Variants in ADD3 observed in about 807,000 individuals in gnomAD.
ADD3 encodes gamma-adducin.
ADD3 carries 25 observed loss-of-function variants against 80.2 expected under a neutral mutation model. That is an observed-to-expected ratio of 0.31 (90% CI 0.23 to 0.44). The LOEUF (loss-of-function observed/expected upper bound fraction) is 0.44, where lower values mean the gene tolerates loss of function less well. Among genes scored for constraint, ADD3 ranks in the 20% least tolerant of loss-of-function variants. ADD3 has a pLI of 1.00. For missense variants in ADD3, 829 were observed against 847.5 expected, an observed-to-expected ratio of 0.98 and a Z score of 0.27; for synonymous variants, 284 against 289.6, an observed-to-expected ratio of 0.98 and a Z score of 0.20.
At chr10:110,083,593 A>T (rs1846340883) in intron 1 of ADD3, among the ~76,000 whole-genome samples, 1 of 152,086 alleles carries the variant, frequency 6.6e-6, no homozygotes. Context: ...AGGAAGAGTC[A>T]TTTCCCTCTA....
At chr10:110,010,072 A>T (rs1852155931) in intron 1 of ADD3, among the ~76,000 whole-genome samples, 1 of 152,170 alleles carries the variant, frequency 6.6e-6, no homozygotes, top group African/African-American at 2.4e-5. Flanking sequence ...GCTGGCATGA[A>T]TGTGAATTCT....
chr10:110,038,587 G>A (rs893163728), intron 1 of ADD3, among the ~76,000 whole-genome samples: 3 of 152,032 alleles, frequency 2.0e-5, no homozygotes, highest in Middle Eastern at 3.2e-3. Context: ...ACTATAAAAG[G>A]ACTCTTTTAG....
intron 1 of ADD3, among the ~76,000 whole-genome samples, chr10:110,047,628 C>G (rs1316311515): frequency 6.6e-6 from 1 of 151,990 alleles, no homozygotes; most frequent in Non-Finnish European, 1.5e-5. Context: ...TATTTAGGAA[C>G]TAATAGAGAA....
At chr10:110,002,040 C>T (rs1851496008), upstream of ADD3, among the ~76,000 whole-genome samples, 1 of 152,114 alleles carries the variant, frequency 6.6e-6, no homozygotes, top group Non-Finnish European at 1.5e-5. Context: ...CCCCTGTAAT[C>T]CCAGCACTTT....
intron 1 of ADD3, among the ~76,000 whole-genome samples, chr10:110,062,465 C>G (rs1183703978): frequency 6.6e-6 from 1 of 151,540 alleles, no homozygotes; most frequent in East Asian, 1.9e-4. Context: ...ACCTGTGGTC[C>G]CAGCTATTAG....
chr10:110,055,424 T>G (rs1250347798), intron 1 of ADD3, among the ~76,000 whole-genome samples: 1 of 152,232 alleles, frequency 6.6e-6, no homozygotes, highest in East Asian at 1.9e-4. Context: ...GTGTTCCATA[T>G]TTGGCAGTTG....
chr10:110,011,725 T>A (rs554910587), intron 1 of ADD3, among the ~76,000 whole-genome samples: 1 of 152,354 alleles, frequency 6.6e-6, no homozygotes, highest in South Asian at 2.1e-4. Flanking sequence ...AATTTAAAAT[T>A]AATTGGACAG....
In ADD3 at chr10:110,122,151, T is replaced by A. The variant is rs781539645; in HGVS notation, c.1002T>A (p.His334Gln). 10 of 1,613,990 alleles carry A rather than the reference T, an allele frequency of 6.2e-6. No individual in the cohort carries two copies. The highest frequency in any genetic ancestry group is 8.5e-6 in the Non-Finnish European group (10 of 1,179,976). ...GTGCAGGTGGAGTAGACAATCTCCATGTACTGGACTTTCAGAAGTATAAAG... is the reference window on the plus strand; with the variant it reads ...GTGCAGGTGGAGTAGACAATCTCCAAGTACTGGACTTTCAGAAGTATAAAG... ...LAGAGGVDNL[H>Q]VLDFQKYKAF... The change falls in exon 9 of 15, where the codon CAT (histidine) becomes CAA (glutamine). Residue 334 changes from histidine to glutamine, a missense_variant. By Grantham distance (24) the His-to-Gln change is conservative. Coordinates refer to ENST00000356080, the MANE Select transcript of ADD3 (RefSeq NM_016824.5).
At chr10:110,004,888 C>T (rs189876610), upstream of ADD3, among the ~76,000 whole-genome samples, 4 of 151,998 alleles carry the variant, frequency 2.6e-5, no homozygotes, top group East Asian at 1.9e-4. Context: ...CAGGTGGACA[C>T]GACACATTTT....
intron 1 of ADD3, among the ~76,000 whole-genome samples, chr10:110,068,084 A>G (rs889711726): frequency 6.6e-6 from 1 of 152,096 alleles, no homozygotes; most frequent in Non-Finnish European, 1.5e-5. Flanking sequence ...GAAATAAGCC[A>G]CATAGCTCTC....
intron 1 of ADD3, among the ~76,000 whole-genome samples, chr10:110,086,112 C>A (rs572076493): frequency 3.3e-5 from 5 of 150,246 alleles, no homozygotes; most frequent in Admixed American, 6.6e-5. Flanking sequence ...GTCTCAGAAA[C>A]AGAAAGAAAA....
At chr10:110,086,376 C>T (rs1391450438) in intron 1 of ADD3, among the ~76,000 whole-genome samples, 2 of 152,156 alleles carry the variant, frequency 1.3e-5, no homozygotes, top group Admixed American at 6.5e-5. Context: ...TGCCACTGCA[C>T]TCCAGCCTGG....
chr10:110,092,411 C>T (rs745528525), intron 1 of ADD3, among the ~76,000 whole-genome samples: 2 of 152,118 alleles, frequency 1.3e-5, no homozygotes, highest in African/African-American at 4.8e-5. Flanking sequence ...GAAATCATGT[C>T]CTTTGCAGCA....
rs1394840462 is a variant in ADD3, at chr10:110,125,886, C to G, written c.1462C>G (p.Pro488Ala). 1.2e-6 allele frequency: 2 copies of G among 1,609,672 alleles called. No individual in the cohort carries two copies. The highest frequency in any genetic ancestry group is 1.7e-6 in the Non-Finnish European group (2 of 1,177,002). Residue 488 changes from proline (P) to alanine (A), a missense_variant, in exon 11 of 15, where the codon CCA becomes GCA. Pro to Ala is a conservative substitution (Grantham distance 27, BLOSUM62 -1). Transcript: ENST00000356080. The stretch of plus-strand genomic sequence containing the variant: ...TGGAACACCTATCAAAATTGAAGAT[C>G]CAAATCAGTTTGTTCCTTTAAACAC... Reference protein sequence around the residue: ...SGGTPIKIEDPNQFVPLNTNP... With the variant: ...SGGTPIKIEDANQFVPLNTNP...
At chr10:110,074,443 C>CT (rs1236560268) in intron 1 of ADD3, among the ~76,000 whole-genome samples, 1 of 152,082 alleles carries the variant, frequency 6.6e-6, no homozygotes, top group Non-Finnish European at 1.5e-5. Flanking sequence ...AGTGTCCTGT[C>CT]TATGTTGTAT....
upstream of ADD3, among the ~76,000 whole-genome samples, chr10:110,007,779 A>T (rs1490099010): frequency 2.7e-5 from 4 of 148,956 alleles, no homozygotes; most frequent in Non-Finnish European, 6.0e-5. Flanking sequence ...GGGCGGGGCC[A>T]GAGAGAGCTC....
intron 1 of ADD3, among the ~76,000 whole-genome samples, chr10:110,045,080 C>T (rs981910611): frequency 1.3e-5 from 2 of 152,158 alleles, no homozygotes; most frequent in African/African-American, 2.4e-5. Context: ...CCTGGCTGGG[C>T]GTGGTGGCTC....
chr10:110,106,386 C>T (rs1849397952), intron 2 of ADD3, among the ~76,000 whole-genome samples: 1 of 151,426 alleles, frequency 6.6e-6, no homozygotes, highest in African/African-American at 2.4e-5. Flanking sequence ...TTTTCTGTGA[C>T]TTAAGTATTT....
intron 1 of ADD3, among the ~76,000 whole-genome samples, chr10:110,042,124 C>G (rs147188482): frequency 1.3e-3 from 198 of 151,962 alleles, no homozygotes; most frequent in Non-Finnish European, 2.4e-3. Context: ...GTGATTAGAT[C>G]TTTGTAGGTA....
Sources: allele counts gnomAD v4.1 joint callset (sites outside exome capture counted in the v4.1 genomes callset), GRCh38; gene constraint gnomAD v4.1.1; transcripts MANE v1.5; gene names NCBI Gene and HGNC (gene_info 2026-07-23, HGNC 2026-07-21).